Variants in CXXC1 observed in about 807,000 individuals in gnomAD.
The protein encoded by CXXC1 is CXXC finger protein 1, also known as CXXC-type zinc finger protein 1.
In CXXC1, 21 loss-of-function variants were observed where a neutral mutation model predicts 83.6. The observed-to-expected ratio is 0.25, with a 90% confidence interval of 0.18 to 0.36. The LOEUF (loss-of-function observed/expected upper bound fraction) is 0.36, where lower values mean the gene tolerates loss of function less well. Ranked by LOEUF, CXXC1 falls within the 10% of genes least tolerant of loss-of-function variation. The pLI is 1.00. For missense variants in CXXC1, 688 were observed against 919.5 expected, an observed-to-expected ratio of 0.75 and a Z score of 3.26; for synonymous variants, 371 against 337.5, an observed-to-expected ratio of 1.10 and a Z score of -1.09.
Position 50,286,755 on chromosome 18 carries a change from A to G in CXXC1, c.107T>C (p.Ile36Thr). 1 of 1,613,900 alleles carries G rather than the reference A, an allele frequency of 6.2e-7. No homozygotes were observed. Among genetic ancestry groups the G allele is most frequent in the Non-Finnish European group, 8.5e-7 (1 of 1,179,828 alleles). The change falls in exon 2 of 15, where the codon ATC becomes ACC. Residue 36 changes from isoleucine to threonine, a missense_variant. Transcript: ENST00000285106. ...CCGCGCTCACATCATGAAGCAGTTG[A>G]TGTCCGGTTTGCGGCAGATGCAGTA... is the stretch of plus-strand genomic sequence containing the variant. The part of the protein sequence containing the change: ...PIYCICRKPD[I>T]NCFMIGCDNC...
At chr18:50,287,082 G>C in intron 1 of CXXC1, 1 of 570,776 alleles carries the variant, frequency 1.8e-6, no homozygotes, top group Non-Finnish European at 3.1e-6. Flanking sequence ...ACCGACACCC[G>C]CTCCCTGCGT....
chr18:50,284,131 AGT>A (rs776774451), intron 9 of CXXC1, 30 bp from the exon 10 acceptor site: 25 of 1,589,482 alleles, frequency 1.6e-5, no homozygotes, highest in East Asian at 1.1e-4. Flanking sequence ...CAACAGAATG[AGT>A]GAGGTGATCA....
At chr18:50,286,448 CG>C in intron 3 of CXXC1, 90 bp downstream of exon 3, 1 of 1,165,218 alleles carries the variant, frequency 8.6e-7, no homozygotes, top group Non-Finnish European at 1.3e-6. Context: ...TCACCACAGA[CG>C]TGTATCACTA....
At chr18:50,283,459 C>T in intron 12 of CXXC1, 56 bp downstream of exon 12, 2 of 1,610,620 alleles carry the variant, frequency 1.2e-6, no homozygotes, top group South Asian at 2.2e-5. Flanking sequence ...ACACACATCC[C>T]ACTTCTGACC....
chr18:50,286,171 C>G lies in CXXC1; in HGVS notation c.310G>C (p.Asp104His). ...GGCCTCTTGCGCCCTCCACCCTCATCCCGGGGCTCACTGCTGTCCCGCTCA... is the reference window on the plus strand; with the variant it reads ...GGCCTCTTGCGCCCTCCACCCTCATGCCGGGGCTCACTGCTGTCCCGCTCA... ...GNERDSSEPR[D>H]EGGGRKRPVP... The change falls in exon 4 of 15, where the codon GAT becomes CAT. Residue 104 changes from aspartate to histidine, a missense_variant. Around this residue, in one of 9 missense-constraint regions of CXXC1, gnomAD observed 142 missense variants for 150.7 expected, o/e 0.94. Transcript: ENST00000285106. 1.9e-6 allele frequency: 3 copies of G among 1,613,932 alleles called. No homozygotes were observed. Among genetic ancestry groups the G allele is most frequent in the Non-Finnish European group, 2.5e-6 (3 of 1,179,996 alleles).
At position 50,286,624 on chromosome 18, in the gene CXXC1, G is replaced by A; in HGVS notation, c.138C>T (p.Cys46=). The change falls in exon 3 of 15, where the codon TGC becomes TGT. Residue 46 remains cysteine (C), a synonymous_variant. Transcript: ENST00000285106. ...TGCAGTCCCCATGGAACCACTCATT[G>A]CAGTTGTCACACCCGCTGCAGAGGA... The part of the protein sequence containing the change: ...INCFMIGCDN[C]NEWFHGDCIR... 1 of 1,614,164 alleles carries A rather than the reference G, an allele frequency of 6.2e-7. No individual in the cohort carries two copies. The highest frequency in any genetic ancestry group is 8.5e-7 in the Non-Finnish European group (1 of 1,180,002).
chr18:50,287,332 G>A (rs867587119), intron 1 of CXXC1: 2 of 550,054 alleles, frequency 3.6e-6, no homozygotes, highest in Middle Eastern at 2.8e-4. Flanking sequence ...TTATCCCTCT[G>A]CCCTAAGAAC....
In CXXC1 at chr18:50,283,353, C is replaced by G; in HGVS notation, c.1583G>C (p.Arg528Pro). The G allele has an allele frequency of 6.2e-7, 1 of 1,613,738 alleles. No individual in the cohort carries two copies. Among genetic ancestry groups the G allele is most frequent in the Non-Finnish European group, 8.5e-7 (1 of 1,179,842 alleles). ...MYPTRIEGAT[R>P]LFCDVYNPQS... ...AGGATTATACACATCACAGAAGAGT[C>G]GTGTGGCCCTGGGGATTTGGAGTAG... is the stretch of plus-strand genomic sequence containing the variant. Residue 528 changes from arginine to proline, a missense_variant, in exon 13 of 15, where the codon CGA becomes CCA. Around this residue, in one of 9 missense-constraint regions of CXXC1, gnomAD observed 114 missense variants for 173.3 expected, o/e 0.66. Transcript: ENST00000285106.
chr18:50,287,116 C>T (rs1202086463), intron 1 of CXXC1: 1 of 541,898 alleles, frequency 1.8e-6, no homozygotes, highest in Non-Finnish European at 3.3e-6. Flanking sequence ...TGGGTCATGG[C>T]GACCCTCCAT....
Position 50,284,500 on chromosome 18 carries a change from T to G in CXXC1, c.1083A>C (p.Pro361=). Residue 361 remains proline (P), a synonymous_variant, in exon 9 of 15, where the codon CCA becomes CCC. Coordinates refer to ENST00000285106, the MANE Select transcript of CXXC1 (RefSeq NM_014593.4). ...KQKHKDKWKH[P]ERADAKDPAS... is the part of the protein sequence containing the mutation. ...CAGGGTCCTTGGCATCAGCCCTCTC[T>G]GGGTGTTTCCATTTATCCTTGTGCT... The G allele has an allele frequency of 1.9e-6, 3 of 1,608,356 alleles. No homozygotes were observed. Among genetic ancestry groups the G allele is most frequent in the Non-Finnish European group, 2.5e-6 (3 of 1,177,258 alleles).
Position 50,282,991 on chromosome 18 carries a change from C to T in CXXC1, c.1687G>A (p.Val563Ile). The change falls in exon 14 of 15, where the codon GTA becomes ATA. Residue 563 changes from valine (V) to isoleucine (I), a missense_variant. Coordinates refer to ENST00000285106, the MANE Select transcript of CXXC1 (RefSeq NM_014593.4). This position sits in a 1 kb window ranked among gnomAD's most constrained non-coding sequence, Gnocchi z 5.8. The part of the protein sequence containing the change: ...SRDPKVPADE[V>I]CGCPLVRDVF... ...TCACGTACAAGGGGGCACCCGCATA[C>T]CTCGTCAGCTGGCACCTGCAAGGAG... is the stretch of plus-strand genomic sequence containing the variant. The T allele has an allele frequency of 6.2e-7, 1 of 1,614,052 alleles. No individual in the cohort carries two copies. The highest frequency in any genetic ancestry group is 8.5e-7 in the Non-Finnish European group (1 of 1,180,030).
At chr18:50,283,392 G>A (rs565485071) in intron 12 of CXXC1, 31 bp from the exon 13 acceptor site, 2 of 1,599,972 alleles carry the variant, frequency 1.3e-6, no homozygotes, top group East Asian at 2.2e-5. Flanking sequence ...GGGCAGTAGA[G>A]GGAGGGAAGG....
chr18:50,284,970 C>T, intron 7 of CXXC1, 32 bp downstream of exon 7: 1 of 1,613,664 alleles, frequency 6.2e-7, no homozygotes, highest in Non-Finnish European at 8.5e-7. Context: ...TAACCTCCAC[C>T]CTTCCACCAG....
Position 50,282,384 on chromosome 18 carries a change from G to C in CXXC1, c.*209C>G. On this transcript the variant is annotated 3_prime_UTR_variant, in exon 15 of 15. Coordinates refer to ENST00000285106, the MANE Select transcript of CXXC1 (RefSeq NM_014593.4). The surrounding 1 kb of genome is among the most constrained non-coding windows in gnomAD (Gnocchi z 5.8). ...AAATTTTATTAACAAAACCCAGGGA[G>C]AGGAGGCAAGGATGAGTGGACTCCG... The C allele has an allele frequency of 1.6e-6, 1 of 623,596 alleles. No homozygotes were observed. The highest frequency in any genetic ancestry group is 2.8e-6 in the Non-Finnish European group (1 of 355,204). The allele number at this position is 623,596 out of a possible 1,614,324, so 38.6% of individuals were successfully genotyped here. A position where few individuals can be genotyped will look rare whatever the true frequency, so the allele number is the denominator to read the frequency against.
Position 50,286,822 on chromosome 18 carries a change from C to G in CXXC1, c.40G>C (p.Gly14Arg), listed in dbSNP as rs772822946. 6.2e-7 allele frequency: 1 copy of G among 1,613,984 alleles called. No homozygotes were observed. Among genetic ancestry groups the G allele is most frequent in the Admixed American group, 1.7e-5 (1 of 60,030 alleles). ...CCATTCTCGGACTTGCTGTCCTCCC[C>G]GGCATCTGGAGGCTCTGGGTCTGAA... ...DGSDPEPPDA[G>R]EDSKSENGEN... The change falls in exon 2 of 15, where the codon GGG becomes CGG. Residue 14 changes from glycine to arginine, a missense_variant. Around this residue, in one of 9 missense-constraint regions of CXXC1, gnomAD observed 51 missense variants for 48.0 expected, o/e 1.06. Transcript: ENST00000285106.
rs1399778885 is a variant in CXXC1 at position 50,283,832 on chromosome 18, G to A, written c.1414-17C>T. On this transcript the variant is annotated splice_polypyrimidine_tract_variant and intron_variant, in intron 10 of 14. Transcript: ENST00000285106. ...CTCGTTGCTCTGCATGGAATGGAAGGAACAATAAGGCTGGGAAGGACAAAG... is the reference window on the plus strand; with the variant it reads ...CTCGTTGCTCTGCATGGAATGGAAGAAACAATAAGGCTGGGAAGGACAAAG... 6.2e-7 allele frequency: 1 copy of A among 1,613,948 alleles called. No homozygotes were observed. The highest frequency in any genetic ancestry group is 8.5e-7 in the Non-Finnish European group (1 of 1,179,794).
chr18:50,284,352 C>G (rs368226691), intron 9 of CXXC1, 26 bp downstream of exon 9: 1 of 1,525,668 alleles, frequency 6.6e-7, no homozygotes, highest in Non-Finnish European at 8.8e-7. Flanking sequence ...TTCCTGACTC[C>G]CTTGAACCTC....
Position 50,284,527 on chromosome 18 carries a change from C to A in CXXC1, c.1056G>T (p.Gln352His). The A allele has an allele frequency of 1.3e-6, 2 of 1,596,604 alleles. No individual in the cohort carries two copies. Among genetic ancestry groups the A allele is most frequent in the Admixed American group, 1.7e-5 (1 of 58,070 alleles). Reference protein sequence around the residue: ...EERYKRHRQKQKHKDKWKHPE... With the variant: ...EERYKRHRQKHKHKDKWKHPE... ...GGTGTTTCCATTTATCCTTGTGCTT[C>A]TGCTTCTGCCGATGCCGCTTGTATC... is the stretch of plus-strand genomic sequence containing the variant. The change falls in exon 9 of 15, where the codon CAG becomes CAT. Residue 352 changes from glutamine (Q) to histidine (H), a missense_variant. Physicochemically the swap from Gln to His is conservative, Grantham distance 24. This residue lies in a region of CXXC1 where 190 missense variants were observed against 199.7 expected (regional missense o/e 0.95). Transcript: ENST00000285106.
chr18:50,287,628 GC>G lies in CXXC1; in HGVS notation c.-40del. The G allele has an allele frequency of 6.2e-7, 1 of 1,608,814 alleles. No individual in the cohort carries two copies. On this transcript the variant is annotated 5_prime_UTR_variant, in exon 1 of 15. Coordinates refer to ENST00000285106, the MANE Select transcript of CXXC1 (RefSeq NM_014593.4). ...GCGCACTCCCTCACGACCCCCGCCA[GC>G]GACCCGCGAACCTGCACAGACCACT...
Sources: gnomAD v4.1 joint callset for allele counts on GRCh38, gnomAD v4.1.1 for gene constraint, gnomAD v4.1.1 regional missense constraint, Gnocchi (gnomAD v3.1) non-coding constraint, MANE v1.5 for transcripts, NCBI Gene and HGNC (gene_info 2026-07-23, HGNC 2026-07-21) for gene names.